The following FGF12 variants were observed in gnomAD, a reference collection of about 807,000 sequenced individuals.
The protein encoded by FGF12 is fibroblast growth factor 12B.
Under a neutral mutation model 23.6 loss-of-function variants are expected in FGF12, and 14 were observed. The ratio of observed to expected loss-of-function variants is 0.59; its 90% CI spans 0.39 to 0.93. FGF12 has a LOEUF of 0.93. Ranked by LOEUF, FGF12 falls within the 40% of genes least tolerant of loss-of-function variation. FGF12 has a pLI of 0.00. For synonymous variants in FGF12, 62 were observed against 77.3 expected, an observed-to-expected ratio of 0.80 and a Z score of 1.04; for missense variants, 175 against 217.8, an observed-to-expected ratio of 0.80 and a Z score of 1.24.
chr3:192,643,070 G>C (rs954630061), intron 2 of FGF12, among the ~76,000 whole-genome samples: 2 of 152,186 alleles, frequency 1.3e-5, no homozygotes, highest in African/African-American at 4.8e-5. Context: ...TTGCACAAGA[G>C]AGTTTTCTGC....
intron 2 of FGF12, among the ~76,000 whole-genome samples, chr3:192,666,423 C>T (rs1428353310): frequency 1.3e-5 from 2 of 152,190 alleles, no homozygotes; most frequent in Admixed American, 6.5e-5. Flanking sequence ...GGACTTTATA[C>T]AATCATTTTT....
chr3:192,473,681 T>C (rs1723237029), intron 2 of FGF12, among the ~76,000 whole-genome samples: 1 of 152,246 alleles, frequency 6.6e-6, no homozygotes, highest in South Asian at 2.1e-4. Flanking sequence ...TATTGTCAAA[T>C]GACTTGTCAT....
chr3:192,723,845 G>C (rs559670057), intron 2 of FGF12, among the ~76,000 whole-genome samples: 1 of 122,068 alleles, frequency 8.2e-6, no homozygotes, highest in East Asian at 3.4e-4. Flanking sequence ...TGGGAGGTGA[G>C]AGTGTGTGTG....
chr3:192,179,500 A>G (rs1278416148), intron 4 of FGF12, among the ~76,000 whole-genome samples: 2 of 151,390 alleles, frequency 1.3e-5, no homozygotes, highest in African/African-American at 2.4e-5. Flanking sequence ...TCTGAAACTC[A>G]GTTTCACATC....
At chr3:192,660,636 T>G (rs1421298687) in intron 2 of FGF12, among the ~76,000 whole-genome samples, 1 of 151,980 alleles carries the variant, frequency 6.6e-6, no homozygotes, top group African/African-American at 2.4e-5. Context: ...ACTAGAAAAT[T>G]TTCAACTTAC....
intron 4 of FGF12, among the ~76,000 whole-genome samples, chr3:192,271,757 A>C (rs1713452519): frequency 6.6e-6 from 1 of 152,198 alleles, no homozygotes; most frequent in African/African-American, 2.4e-5. Flanking sequence ...TTATAAACAA[A>C]CACAAAGGCA....
chr3:192,205,769 T>C (rs956354346), intron 4 of FGF12, among the ~76,000 whole-genome samples: 1 of 152,170 alleles, frequency 6.6e-6, no homozygotes, highest in African/African-American at 2.4e-5. Context: ...TATGGGATCA[T>C]AGAGGAGGCC....
chr3:192,562,642 A>G (rs149788340), intron 2 of FGF12, among the ~76,000 whole-genome samples: 21 of 152,300 alleles, frequency 1.4e-4, no homozygotes, highest in African/African-American at 4.8e-4. Context: ...ACATATTTGT[A>G]ATCAGTAAAT....
chr3:192,455,420 T>C (rs1722650237), intron 2 of FGF12, among the ~76,000 whole-genome samples: 1 of 152,086 alleles, frequency 6.6e-6, no homozygotes, highest in Non-Finnish European at 1.5e-5. Context: ...GGAAGAGAAA[T>C]AGTTGCAAGG....
intron 2 of FGF12, among the ~76,000 whole-genome samples, chr3:192,437,339 G>T (rs900236106): frequency 1.3e-5 from 2 of 152,208 alleles, no homozygotes; most frequent in Admixed American, 1.3e-4. Flanking sequence ...TAGAGAACTA[G>T]TTGAGAGGTA....
intron 4 of FGF12, among the ~76,000 whole-genome samples, chr3:192,252,563 T>G (rs1011920159): frequency 6.7e-6 from 1 of 149,536 alleles, no homozygotes; most frequent in Non-Finnish European, 1.5e-5. Context: ...AACTCTACAG[T>G]GACCGAGGAA....
chr3:192,707,972 A>G (rs529729151), intron 2 of FGF12, among the ~76,000 whole-genome samples: 2 of 151,696 alleles, frequency 1.3e-5, no homozygotes, highest in Non-Finnish European at 2.9e-5. Context: ...TTATTTATTT[A>G]TTTTTGAGAC....
At chr3:192,588,935 A>G (rs1283496430) in intron 2 of FGF12, among the ~76,000 whole-genome samples, 2 of 151,996 alleles carry the variant, frequency 1.3e-5, no homozygotes, top group African/African-American at 4.8e-5. Context: ...CCACTTCTTG[A>G]GCTCCATAAC....
chr3:192,440,648 T>C (rs1288499984), intron 2 of FGF12, among the ~76,000 whole-genome samples: 1 of 152,210 alleles, frequency 6.6e-6, no homozygotes, highest in Non-Finnish European at 1.5e-5. Context: ...TCTCTTAAAA[T>C]CTTGTTTTGC....
At chr3:192,219,070 T>C (rs1457490709) in intron 4 of FGF12, among the ~76,000 whole-genome samples, 2 of 152,112 alleles carry the variant, frequency 1.3e-5, no homozygotes, top group African/African-American at 2.4e-5. Flanking sequence ...CTTATAAATA[T>C]CTATTTTTAT....
chr3:192,392,189 C>T (rs3108301), intron 2 of FGF12, among the ~76,000 whole-genome samples: 81,352 of 151,890 alleles, frequency 0.54, 22,397 homozygotes, highest in African/African-American at 0.67. Flanking sequence ...AAAAGACAGA[C>T]TTTGAATTAA....
chr3:192,297,307 C>A (rs964065976), intron 4 of FGF12, among the ~76,000 whole-genome samples: 2 of 152,108 alleles, frequency 1.3e-5, no homozygotes, highest in African/African-American at 2.4e-5. Context: ...CTGGTTCAGT[C>A]GCAATACTTT....
At chr3:192,458,831 C>A (rs1279323926) in intron 2 of FGF12, among the ~76,000 whole-genome samples, 2 of 152,152 alleles carry the variant, frequency 1.3e-5, no homozygotes, top group African/African-American at 4.8e-5. Flanking sequence ...TGTGTCCCCA[C>A]CCAAATCTCA....
chr3:192,176,929 A>G (rs1260049173), intron 4 of FGF12, among the ~76,000 whole-genome samples: 1 of 152,210 alleles, frequency 6.6e-6, no homozygotes, highest in East Asian at 1.9e-4. Context: ...CCACACCGTT[A>G]TATTATACAA....
Sources: gnomAD v4.1 joint callset for allele counts (sites outside exome capture counted in the v4.1 genomes callset) on GRCh38, gnomAD v4.1.1 for gene constraint, MANE v1.5 for transcripts, NCBI Gene and HGNC (gene_info 2026-07-23, HGNC 2026-07-21) for gene names.